Variants in NTRK3 observed in about 807,000 individuals in gnomAD.
NTRK3 encodes the protein NT-3 growth factor receptor.
NTRK3 carries 24 observed loss-of-function variants against 91.7 expected under a neutral mutation model. The observed-to-expected ratio is 0.26, with a 90% confidence interval of 0.19 to 0.37. NTRK3 has a LOEUF of 0.37. NTRK3 is among the 10% of genes least tolerant of loss of function. NTRK3 has a pLI of 1.00. For synonymous variants in NTRK3, 483 were observed against 404.0 expected (o/e 1.20, Z -2.34); for missense variants, 880 against 1,068.9 (o/e 0.82, Z 2.46).
intron 14 of NTRK3, among the ~76,000 whole-genome samples, chr15:87,966,698 T>A (rs2072827624): frequency 6.6e-6 from 1 of 152,140 alleles, no homozygotes. Context: ...CTGAGAGCTG[T>A]TTGGGTAAGG....
intron 17 of NTRK3, chr15:87,928,848 T>G (rs1596290803): frequency 2.1e-6 from 1 of 471,914 alleles, no homozygotes; most frequent in Non-Finnish European, 3.8e-6. Flanking sequence ...TCAAGTTGGG[T>G]GTGTCTGTGT....
intron 14 of NTRK3, among the ~76,000 whole-genome samples, chr15:88,000,362 G>C (rs973586860): frequency 2.0e-5 from 3 of 152,152 alleles, no homozygotes; most frequent in Non-Finnish European, 2.9e-5. Flanking sequence ...TCTTCCAATA[G>C]GGCAGTGTAT....
At chr15:88,029,133 A>G (rs1296884611) in intron 14 of NTRK3, among the ~76,000 whole-genome samples, 2 of 152,230 alleles carry the variant, frequency 1.3e-5, no homozygotes, top group African/African-American at 4.8e-5. Flanking sequence ...CAAGAACCAG[A>G]GGGCTATACA....
At chr15:88,058,670 T>G (rs1270278119) in intron 13 of NTRK3, among the ~76,000 whole-genome samples, 1 of 152,182 alleles carries the variant, frequency 6.6e-6, no homozygotes, top group Non-Finnish European at 1.5e-5. Flanking sequence ...GACTCTTGAA[T>G]GCACAGATAT....
chr15:88,144,464 CTT>C (rs1229850608), intron 6 of NTRK3, among the ~76,000 whole-genome samples: 1 of 151,658 alleles, frequency 6.6e-6, no homozygotes, highest in Non-Finnish European at 1.5e-5. Context: ...TTTTTTTTTC[CTT>C]TGATTCCACT....
At chr15:88,185,174 C>T (rs1410730213) in intron 3 of NTRK3, among the ~76,000 whole-genome samples, 1 of 152,216 alleles carries the variant, frequency 6.6e-6, no homozygotes, top group Non-Finnish European at 1.5e-5. Flanking sequence ...TTATATCTAG[C>T]AAGCACACTA....
At chr15:88,132,412 A>G (rs1332211945) in intron 10 of NTRK3, among the ~76,000 whole-genome samples, 2 of 152,198 alleles carry the variant, frequency 1.3e-5, no homozygotes, top group African/African-American at 4.8e-5. Context: ...ATAGAGGCAC[A>G]GAGAAGTGAT....
chr15:88,221,188 A>G (rs1056511179), intron 3 of NTRK3, among the ~76,000 whole-genome samples: 7 of 152,240 alleles, frequency 4.6e-5, no homozygotes, highest in African/African-American at 9.7e-5. Flanking sequence ...CTGAAAACAT[A>G]TAAAGAAAAG....
At chr15:87,996,321 G>T (rs1253179142) in intron 14 of NTRK3, among the ~76,000 whole-genome samples, 1 of 152,150 alleles carries the variant, frequency 6.6e-6, no homozygotes, top group Admixed American at 6.6e-5. Flanking sequence ...GATTGGGCTT[G>T]CAGGCTATAG....
chr15:88,251,107 C>A (rs1387527207), intron 3 of NTRK3, among the ~76,000 whole-genome samples: 1 of 152,168 alleles, frequency 6.6e-6, no homozygotes, highest in East Asian at 1.9e-4. Context: ...TTGGTCTGGG[C>A]AGTTGACTCT....
chr15:87,987,662 TTTGTATAC>T (rs1236888350), intron 14 of NTRK3, among the ~76,000 whole-genome samples: 1 of 152,144 alleles, frequency 6.6e-6, no homozygotes, highest in African/African-American at 2.4e-5. Flanking sequence ...GTCTTTTAAC[TTTGTATAC>T]AGTACTCATA....
At chr15:87,995,268 C>T (rs2075606617) in intron 14 of NTRK3, among the ~76,000 whole-genome samples, 1 of 152,120 alleles carries the variant, frequency 6.6e-6, no homozygotes. Context: ...AGAAACTGCA[C>T]AACCTAGGCT....
At chr15:88,141,159 C>G (rs376168463) in intron 6 of NTRK3, among the ~76,000 whole-genome samples, 1 of 152,098 alleles carries the variant, frequency 6.6e-6, no homozygotes, top group African/African-American at 2.4e-5. Flanking sequence ...AGGATCAAGT[C>G]AAGAAGCCTT....
At chr15:88,163,687 A>G (rs561755626) in intron 5 of NTRK3, among the ~76,000 whole-genome samples, 11 of 152,356 alleles carry the variant, frequency 7.2e-5, no homozygotes, top group African/African-American at 2.6e-4. Context: ...AGAAGGAGGC[A>G]GGACCTTCAT....
chr15:88,043,029 T>A (rs1461442296), intron 13 of NTRK3, among the ~76,000 whole-genome samples: 2 of 152,198 alleles, frequency 1.3e-5, no homozygotes, highest in African/African-American at 4.8e-5. Flanking sequence ...AGAACTGGCT[T>A]TGTTTAGGAA....
chr15:88,152,406 T>C (rs779920802), intron 5 of NTRK3, among the ~76,000 whole-genome samples: 1 of 152,226 alleles, frequency 6.6e-6, no homozygotes, highest in Non-Finnish European at 1.5e-5. Flanking sequence ...TAAGGACATA[T>C]GGGTGGTCCT....
intron 14 of NTRK3, 121 bp downstream of exon 14, chr15:88,032,736 A>C (rs2078664296): frequency 9.1e-7 from 1 of 1,104,274 alleles, no homozygotes. Context: ...AGGGTCTCTT[A>C]GAAAGTGGGA....
intron 14 of NTRK3, among the ~76,000 whole-genome samples, chr15:87,972,669 G>T (rs1310017183): frequency 1.3e-5 from 2 of 152,124 alleles, no homozygotes; most frequent in African/African-American, 2.4e-5. Context: ...TTGGTAGAGG[G>T]TCATGAGAAA....
At chr15:88,202,038 A>G (rs559257608) in intron 3 of NTRK3, among the ~76,000 whole-genome samples, 16 of 152,226 alleles carry the variant, frequency 1.1e-4, no homozygotes, top group African/African-American at 3.9e-4. Context: ...CAAGGCCTAA[A>G]TGTGAAGATC....
Sources: allele counts gnomAD v4.1 joint callset (sites outside exome capture counted in the v4.1 genomes callset), GRCh38; gene constraint gnomAD v4.1.1; transcripts MANE v1.5; gene names NCBI Gene and HGNC (gene_info 2026-07-23, HGNC 2026-07-21).